HYAL4: variants seen among roughly 807,000 people sequenced by gnomAD.
The protein encoded by HYAL4 is hyaluronidase-4.
In HYAL4, 37 loss-of-function variants were observed where a neutral mutation model predicts 35.2. That is an observed-to-expected ratio of 1.05 (90% CI 0.81 to 1.38). The LOEUF (loss-of-function observed/expected upper bound fraction) is 1.38, where lower values mean the gene tolerates loss of function less well. Ranked by LOEUF, HYAL4 falls within the 40% of genes most tolerant of loss-of-function variation. The pLI is 0.00. For synonymous variants in HYAL4, 198 were observed against 203.2 expected (o/e 0.97, Z 0.22); for missense variants, 572 against 572.4 (o/e 1.00, Z 0.01).
the HYAL4 span, among the ~76,000 whole-genome samples, chr7:123,766,335 A>G: frequency 6.6e-6 from 1 of 152,174 alleles, no homozygotes; most frequent in Non-Finnish European, 1.5e-5. Flanking sequence ...TATAGCACCA[A>G]TATTCTAAAG....
At chr7:123,867,587 A>G (rs959018443) in intron 2 of HYAL4, among the ~76,000 whole-genome samples, 3 of 152,182 alleles carry the variant, frequency 2.0e-5, no homozygotes, top group African/African-American at 4.8e-5. Flanking sequence ...CAAAACATCT[A>G]TTCTTTGGGA....
the HYAL4 span, among the ~76,000 whole-genome samples, chr7:123,802,324 T>C: frequency 6.6e-6 from 1 of 152,210 alleles, no homozygotes; most frequent in Non-Finnish European, 1.5e-5. Context: ...TTTAATAATC[T>C]TCAGATAGAA....
chr7:123,796,916 G>C, the HYAL4 span, among the ~76,000 whole-genome samples: 1 of 152,182 alleles, frequency 6.6e-6, no homozygotes, highest in Non-Finnish European at 1.5e-5. Context: ...ATAGAAAATA[G>C]ATTGGTGGTT....
the HYAL4 span, among the ~76,000 whole-genome samples, chr7:123,793,081 G>A: frequency 6.6e-6 from 1 of 152,184 alleles, no homozygotes; most frequent in African/African-American, 2.4e-5. Flanking sequence ...GCAAAACAAG[G>A]TATGTGTCTG....
chr7:123,863,989 C>T (rs1806634629), intron 2 of HYAL4, among the ~76,000 whole-genome samples: 1 of 152,122 alleles, frequency 6.6e-6, no homozygotes, highest in Admixed American at 6.5e-5. Flanking sequence ...ATCCCTCCTG[C>T]CACCTTCTTC....
At chr7:123,765,004 A>G in the HYAL4 span, among the ~76,000 whole-genome samples, 3 of 152,240 alleles carry the variant, frequency 2.0e-5, no homozygotes, top group African/African-American at 7.2e-5. Flanking sequence ...TTATAATTAA[A>G]TAGTCTGTCT....
At chr7:123,843,621 C>G (rs539224650), upstream of HYAL4, among the ~76,000 whole-genome samples, 2 of 152,032 alleles carry the variant, frequency 1.3e-5, no homozygotes, top group South Asian at 2.1e-4. Context: ...CTCCCCATCA[C>G]TTTCAGGTAT....
intron 2 of HYAL4, among the ~76,000 whole-genome samples, chr7:123,855,545 T>C (rs1454241857): frequency 6.6e-6 from 1 of 152,178 alleles, no homozygotes; most frequent in Non-Finnish European, 1.5e-5. Context: ...TTCTGGCTTG[T>C]AGGGTTTCTG....
chr7:123,818,359 A>G, the HYAL4 span, among the ~76,000 whole-genome samples: 117 of 152,240 alleles, frequency 7.7e-4, no homozygotes, highest in African/African-American at 2.6e-3. Flanking sequence ...CTTCCTGTGG[A>G]TATAAAACTC....
the HYAL4 span, among the ~76,000 whole-genome samples, chr7:123,792,822 T>G: frequency 6.6e-6 from 1 of 152,116 alleles, no homozygotes; most frequent in African/African-American, 2.4e-5. Flanking sequence ...TCATAACACA[T>G]TGATGCTCAG....
chr7:123,779,991 C>G, the HYAL4 span, among the ~76,000 whole-genome samples: 1 of 152,098 alleles, frequency 6.6e-6, no homozygotes, highest in Non-Finnish European at 1.5e-5. Context: ...AGCTGTAATA[C>G]AGTATATGTT....
At chr7:123,770,228 T>A in the HYAL4 span, among the ~76,000 whole-genome samples, 6 of 151,686 alleles carry the variant, frequency 4.0e-5, no homozygotes, top group Admixed American at 3.9e-4. Flanking sequence ...GACAGGCGGA[T>A]CACGAGGATA....
chr7:123,868,823 G>A lies in HYAL4; in HGVS notation c.550G>A (p.Glu184Lys), dbSNP rs555583939. 1.3e-5 allele frequency: 21 copies of A among 1,614,176 alleles called. No individual in the cohort carries two copies. The African/African-American group carries it at 2.0e-4, about 15-fold the overall frequency. ...MGKNVSATDI[E>K]YLAKVTFEES... ...AAAGAATGTATCAGCTACCGATATT[G>A]AATATTTAGCCAAAGTGACCTTTGA... Residue 184 changes from glutamate to lysine, a missense_variant, in exon 3 of 5, where the codon GAA becomes AAA. Transcript: ENST00000223026.
chr7:123,822,804 A>G, the HYAL4 span, among the ~76,000 whole-genome samples: 1 of 152,112 alleles, frequency 6.6e-6, no homozygotes, highest in Non-Finnish European at 1.5e-5. Flanking sequence ...ACAAAAGGTA[A>G]AAAAGAAAAA....
the HYAL4 span, among the ~76,000 whole-genome samples, chr7:123,803,211 T>G: frequency 1.3e-5 from 2 of 152,194 alleles, no homozygotes; most frequent in Non-Finnish European, 2.9e-5. Flanking sequence ...ATTGATTGCT[T>G]TAGTCCAGGA....
At chr7:123,818,457 G>A in the HYAL4 span, among the ~76,000 whole-genome samples, 1 of 152,094 alleles carries the variant, frequency 6.6e-6, no homozygotes, top group Non-Finnish European at 1.5e-5. Context: ...AATTTAACGT[G>A]TTAAGGAAGC....
the HYAL4 span, among the ~76,000 whole-genome samples, chr7:123,782,442 T>C: frequency 6.6e-6 from 1 of 152,164 alleles, no homozygotes; most frequent in Non-Finnish European, 1.5e-5. Context: ...TCAACACATA[T>C]ACTAATAGCA....
At chr7:123,812,984 G>A in the HYAL4 span, among the ~76,000 whole-genome samples, 19,643 of 151,894 alleles carry the variant, frequency 0.13, 1,336 homozygotes, top group Non-Finnish European at 0.14. Flanking sequence ...GTAAATTATC[G>A]TTCACATTTG....
intron 2 of HYAL4, among the ~76,000 whole-genome samples, chr7:123,856,822 T>A (rs1027053574): frequency 1.3e-5 from 2 of 152,164 alleles, no homozygotes; most frequent in African/African-American, 2.4e-5. Context: ...CCTAGGGCAA[T>A]GGGAGTTTTA....
Sources: allele counts gnomAD v4.1 joint callset (sites outside exome capture counted in the v4.1 genomes callset), GRCh38; gene constraint gnomAD v4.1.1; transcripts MANE v1.5; gene names NCBI Gene and HGNC (gene_info 2026-07-23, HGNC 2026-07-21).